POR: variants seen among roughly 807,000 people sequenced by gnomAD.
POR encodes NADPH--cytochrome P450 reductase.
A neutral mutation model predicts 84.0 loss-of-function variants in POR; 56 were observed. The ratio of observed to expected loss-of-function variants is 0.67; its 90% confidence interval spans 0.54 to 0.83. The LOEUF is 0.83. Ranked by LOEUF, POR falls within the 40% of genes least tolerant of loss-of-function variation. The pLI, the probability that POR is intolerant of heterozygous loss-of-function variation, is 0.00. For synonymous variants in POR, 414 were observed against 400.5 expected (o/e 1.03, Z -0.40); for missense variants, 938 against 944.3 (o/e 0.99, Z 0.09).
intron 2 of POR, among the ~76,000 whole-genome samples, chr7:75,960,077 C>T (rs906960264): frequency 1.3e-4 from 20 of 151,920 alleles, no homozygotes; most frequent in Admixed American, 1.2e-3. Context: ...TTGCTTTGAG[C>T]CCAGGAGTTC....
At chr7:75,959,617 G>A (rs1381512126) in intron 2 of POR, among the ~76,000 whole-genome samples, 10 of 151,998 alleles carry the variant, frequency 6.6e-5, no homozygotes, top group East Asian at 1.9e-4. Flanking sequence ...CATGATGCCC[G>A]GCTAATTTTT....
rs139157524 is a variant in POR at position 75,926,204 on chromosome 7, C to G, written c.-5+11025C>G. Among the ~76,000 whole-genome samples the G allele has an allele frequency of 8.7e-3, 1,322 of 151,894 alleles. 27 individuals are homozygous for G. Among genetic ancestry groups the G allele is most frequent in the African/African-American group, 0.031 (1,268 of 41,402 alleles). On this transcript the variant is annotated intron_variant, in intron 1 of 15. Transcript: ENST00000461988. ...CAGAGATGGGGTCTTGCTATGTTGC[C>G]CAGGCCGATCTCAAACTCCTGGGCT...
At chr7:75,985,375 C>A in intron 12 of POR, 168 bp downstream of exon 12, 2 of 1,145,272 alleles carry the variant, frequency 1.7e-6, no homozygotes, top group Non-Finnish European at 2.4e-6. Context: ...GTCGGGCTGG[C>A]TTGTGAGATT....
chr7:75,967,908 G>C (rs1788255668), intron 2 of POR: 1 of 377,622 alleles, frequency 2.6e-6, no homozygotes, highest in Non-Finnish European at 5.4e-6. Flanking sequence ...AATTCCGAGA[G>C]GACTTTGGGG....
At chr7:75,972,509 A>T in intron 3 of POR, 48 bp downstream of exon 3, 2 of 1,511,284 alleles carry the variant, frequency 1.3e-6, no homozygotes, top group Admixed American at 1.9e-5. Context: ...CTCGGCCCCG[A>T]TGGGCATGTA....
intron 9 of POR, 25 bp from the exon 10 acceptor site, chr7:75,983,713 T>C (rs1789212170): frequency 5.6e-6 from 9 of 1,609,662 alleles, no homozygotes; most frequent in Non-Finnish European, 6.8e-6. Context: ...CTTCCGCCCC[T>C]CCCGAGCCTC....
At chr7:75,939,460 G>A (rs1430054257) in intron 1 of POR, among the ~76,000 whole-genome samples, 4 of 151,798 alleles carry the variant, frequency 2.6e-5, no homozygotes, top group Admixed American at 2.0e-4. Flanking sequence ...CTGAGAATCC[G>A]GAAGCAACTC....
At chr7:75,923,284 TC>T in intron 1 of POR, 1 of 1,234,304 alleles carries the variant, frequency 8.1e-7, no homozygotes, top group Non-Finnish European at 1.2e-6. Context: ...GAAATTGCCT[TC>T]CCAAGGAAGC....
intron 2 of POR, among the ~76,000 whole-genome samples, chr7:75,971,838 G>T (rs938624137): frequency 2.0e-5 from 3 of 152,080 alleles, no homozygotes; most frequent in African/African-American, 4.8e-5. Flanking sequence ...ATGCAGGGAG[G>T]GGGTGTGAAT....
intron 3 of POR, among the ~76,000 whole-genome samples, chr7:75,977,765 G>A (rs1346904646): frequency 2.6e-5 from 4 of 152,090 alleles, no homozygotes; most frequent in African/African-American, 7.2e-5. Context: ...GCGTCAGAGC[G>A]AGACTCCGTC....
chr7:75,968,086 G>A (rs1554555567), intron 2 of POR: 1 of 455,368 alleles, frequency 2.2e-6, no homozygotes, highest in Non-Finnish European at 4.4e-6. Flanking sequence ...GAAGCCATGG[G>A]GTGCACGTAC....
chr7:75,949,719 C>A lies in POR; in HGVS notation c.-4-4270C>A, dbSNP rs571257569. Among the ~76,000 whole-genome samples the A allele has an allele frequency of 8.7e-5, 13 of 150,080 alleles. No homozygotes were observed. The East Asian group carries it at 2.6e-3, about 31-fold the overall frequency. ...ATTTTTAGTAGAGACAGGGTTTCAC[C>A]ATGTTGGCCAGGCTGGTCTCAAACG... is the stretch of plus-strand genomic sequence containing the variant. On this transcript the variant is annotated intron_variant, in intron 1 of 15. Transcript: ENST00000461988.
chr7:75,963,924 T>C (rs1484740545), intron 2 of POR, among the ~76,000 whole-genome samples: 3 of 152,076 alleles, frequency 2.0e-5, no homozygotes, highest in African/African-American at 4.8e-5. Context: ...TGGATTTTTT[T>C]CCCCAGCTTT....
At chr7:75,963,161 C>T (rs1335831719) in intron 2 of POR, among the ~76,000 whole-genome samples, 2 of 152,178 alleles carry the variant, frequency 1.3e-5, no homozygotes, top group Non-Finnish European at 2.9e-5. Context: ...GGTCTTGCCA[C>T]ATCCAGTTCA....
intron 4 of POR, chr7:75,979,867 C>G (rs1788910741): frequency 2.4e-6 from 1 of 419,538 alleles, no homozygotes; most frequent in African/African-American, 2.0e-5. Context: ...AAACCAAACC[C>G]ACCCTCCCCA....
At chr7:75,971,022 C>A (rs183767950) in intron 2 of POR, 1 of 119,800 alleles carries the variant, frequency 8.3e-6, no homozygotes, top group Non-Finnish European at 1.7e-5. Flanking sequence ...AGTACAGTGG[C>A]GTGATCTCGG....
chr7:75,982,276 T>C lies in POR; in HGVS notation c.784T>C (p.Tyr262His). ...CACCGACATAGATGCGGCCAAGGTG[T>C]ACATGGGGGAGATGGGCCGGCTGAA... The change falls in exon 8 of 16, where the codon TAC becomes CAC. Residue 262 changes from tyrosine to histidine, a missense_variant. Tyr to His is a moderately conservative substitution (Grantham distance 83, BLOSUM62 2). Coordinates refer to ENST00000461988, the MANE Select transcript of POR (RefSeq NM_000941.3). 6 of 1,612,816 alleles carry C rather than the reference T, an allele frequency of 3.7e-6. No individual in the cohort carries two copies. The highest frequency in any genetic ancestry group is 5.1e-6 in the Non-Finnish European group (6 of 1,179,572).
Position 75,954,190 on chromosome 7 carries a change from G to A in POR, c.188+10G>A, listed in dbSNP as rs892077803. 3.8e-6 allele frequency: 6 copies of A among 1,595,782 alleles called. No individual in the cohort carries two copies. The highest frequency in any genetic ancestry group is 1.1e-5 in the South Asian group (1 of 88,698). On this transcript the variant is annotated intron_variant, in intron 2 of 15. Coordinates refer to ENST00000461988, the MANE Select transcript of POR (RefSeq NM_000941.3). ...CCAAAATTCAGACATTGTAAGTGCC[G>A]CCTCTCAGCCTCCTCTCTCTGTCCC...
At chr7:75,982,420 T>G in intron 8 of POR, 98 bp downstream of exon 8, 6 of 997,372 alleles carry the variant, frequency 6.0e-6, no homozygotes, top group South Asian at 1.5e-5. Context: ...CACAGGGCCC[T>G]TCTCACCAGA....
Sources: allele counts gnomAD v4.1 joint callset (sites outside exome capture counted in the v4.1 genomes callset), GRCh38; gene constraint gnomAD v4.1.1; transcripts MANE v1.5; gene names NCBI Gene and HGNC (gene_info 2026-07-23, HGNC 2026-07-21).